Variants in F2 observed in about 807,000 individuals in gnomAD.
F2 encodes the protein coagulation factor II, thrombin.
F2 carries 34 observed loss-of-function variants against 81.9 expected under a neutral mutation model. The ratio of observed to expected loss-of-function variants is 0.42; its 90% CI spans 0.32 to 0.55. The LOEUF (loss-of-function observed/expected upper bound fraction) is 0.55, where lower values mean the gene tolerates loss of function less well. Ranked by LOEUF, F2 falls within the 20% of genes least tolerant of loss-of-function variation. F2 has a pLI of 0.18. For missense variants in F2, 630 were observed against 833.4 expected, an observed-to-expected ratio of 0.76 and a Z score of 3.00; for synonymous variants, 296 against 326.4, an observed-to-expected ratio of 0.91 and a Z score of 1.01.
intron 12 of F2, among the ~76,000 whole-genome samples, chr11:46,738,131 G>T (rs1208232773): frequency 1.3e-5 from 2 of 152,068 alleles, no homozygotes; most frequent in Non-Finnish European, 2.9e-5. Flanking sequence ...CTCCTGAGTA[G>T]CTGGGATTAT....
At chr11:46,735,548 A>G (rs2064938843) in intron 12 of F2, among the ~76,000 whole-genome samples, 1 of 152,034 alleles carries the variant, frequency 6.6e-6, no homozygotes, top group Admixed American at 6.6e-5. Flanking sequence ...GCTTGAGCCT[A>G]GGAGTTCAAT....
intron 9 of F2, among the ~76,000 whole-genome samples, chr11:46,727,365 C>T (rs965708554): frequency 2.6e-5 from 4 of 152,172 alleles, no homozygotes; most frequent in Non-Finnish European, 4.4e-5. Context: ...CTGAGACTGA[C>T]GGAGCTGGTG....
chr11:46,729,838 C>T (rs955083558), intron 12 of F2, among the ~76,000 whole-genome samples: 1 of 152,162 alleles, frequency 6.6e-6, no homozygotes, highest in African/African-American at 2.4e-5. Flanking sequence ...TTCATTCAGT[C>T]ACTCAGCAAA....
Position 46,720,558 on chromosome 11 carries a change from G to A in F2, c.265+11G>A. ...GGGCCAAGTACACAGGTGAGCACCG[G>A]GAAGGATTTGCCCCAGGAAGGGAGG... On this transcript the variant is annotated intron_variant, in intron 3 of 13. Coordinates refer to ENST00000311907, the MANE Select transcript of F2 (RefSeq NM_000506.5). 1 of 1,614,086 alleles carries A rather than the reference G, an allele frequency of 6.2e-7. No individual in the cohort carries two copies. The highest frequency in any genetic ancestry group is 8.5e-7 in the Non-Finnish European group (1 of 1,180,012).
intron 12 of F2, among the ~76,000 whole-genome samples, chr11:46,733,618 C>T (rs2064926689): frequency 6.6e-6 from 1 of 152,060 alleles, no homozygotes; most frequent in Non-Finnish European, 1.5e-5. Context: ...GCATTTCCAT[C>T]ACAGTGTATG....
Position 46,739,052 on chromosome 11 carries a change from C to T in F2, c.1659C>T (p.Tyr553=). 1.2e-6 allele frequency: 2 copies of T among 1,614,138 alleles called. No homozygotes were observed. The highest frequency in any genetic ancestry group is 1.7e-6 in the Non-Finnish European group (2 of 1,180,030). ...AGACGGCTGTTCTCTTTCAAGGTTA[C>T]AAGCCTGATGAAGGGAAACGAGGGG... is the stretch of plus-strand genomic sequence containing the variant. ...RITDNMFCAG[Y]KPDEGKRGDA... is the part of the protein sequence containing the mutation. Residue 553 remains tyrosine (Y), a synonymous_variant, in exon 13 of 14, where the codon TAC becomes TAT. Coordinates refer to ENST00000311907, the MANE Select transcript of F2 (RefSeq NM_000506.5).
chr11:46,721,394 C>CA (rs1394136639), intron 4 of F2, among the ~76,000 whole-genome samples: 1 of 152,168 alleles, frequency 6.6e-6, no homozygotes, highest in Non-Finnish European at 1.5e-5. Context: ...TCTCTGCCCC[C>CA]ACCTAGTCAG....
Position 46,726,569 on chromosome 11 carries a change from G to A in F2, c.946G>A (p.Ala316Thr), listed in dbSNP as rs778647431. The A allele has an allele frequency of 1.7e-5, 27 of 1,613,978 alleles. No individual in the cohort carries two copies. In the African/African-American group the frequency reaches 2.4e-4, roughly 14 times the overall value. The change falls in exon 8 of 14, where the codon GCC becomes ACC. Residue 316 changes from alanine to threonine, a missense_variant. Ala to Thr is a moderately conservative substitution (Grantham distance 58, BLOSUM62 0). Coordinates refer to ENST00000311907, the MANE Select transcript of F2 (RefSeq NM_000506.5). The surrounding 1 kb of genome is among the most constrained non-coding windows in gnomAD (Gnocchi z 5.9). Reference sequence around the variant, plus strand: ...AGACAGGGCCATCGAAGGGCGTACCGCCACCAGTGAGTACCAGACTTTCTT... The same window carrying A: ...AGACAGGGCCATCGAAGGGCGTACCACCACCAGTGAGTACCAGACTTTCTT... Reference protein sequence around the residue: ...DSDRAIEGRTATSEYQTFFNP... With the variant: ...DSDRAIEGRTTTSEYQTFFNP...
rs1285671622 is a variant in F2, at chr11:46,719,427, C to G, written c.79+113C>G. On this transcript the variant is annotated intron_variant, in intron 1 of 13. Transcript: ENST00000311907. This position sits in a 1 kb window ranked among gnomAD's most constrained non-coding sequence, Gnocchi z 4.7. The stretch of plus-strand genomic sequence containing the variant: ...GAGCTGGCCCCTAAGTAGGTCTCAG[C>G]CCCAGGCGGCCAGCTTAGGGAAGAA... The G allele has an allele frequency of 1.6e-6, 2 of 1,265,898 alleles. No homozygotes were observed. The highest frequency in any genetic ancestry group is 1.1e-6 in the Non-Finnish European group (1 of 893,058). The allele number at this position is 1,265,898 out of a possible 1,614,324, so 78.4% of individuals were successfully genotyped here. A position where few individuals can be genotyped will look rare whatever the true frequency, so the allele number is the denominator to read the frequency against.
intron 6 of F2, among the ~76,000 whole-genome samples, chr11:46,725,561 A>C (rs991211017): frequency 1.3e-5 from 2 of 152,168 alleles, no homozygotes; most frequent in African/African-American, 2.4e-5. Context: ...CTCCTCCAGC[A>C]GCTCCAGGCA....
At chr11:46,727,868 C>A in intron 9 of F2, 128 bp from the exon 10 acceptor site, 1 of 1,088,850 alleles carries the variant, frequency 9.2e-7, no homozygotes, top group Non-Finnish European at 1.3e-6. Context: ...CCAGCCCAAG[C>A]TTGGATCTGG....
Position 46,723,340 on chromosome 11 carries a change from C to A in F2, c.423-42C>A, listed in dbSNP as rs763595366. ...GGCTGAGAACAGGGAGCAAGCGTAC[C>A]TCAAGCCCAACAGCCTCCTGTTGGG... On this transcript the variant is annotated intron_variant, in intron 5 of 13. Coordinates refer to ENST00000311907, the MANE Select transcript of F2 (RefSeq NM_000506.5). This position sits in a 1 kb window ranked among gnomAD's most constrained non-coding sequence, Gnocchi z 5.6. The A allele has an allele frequency of 6.2e-7, 1 of 1,613,550 alleles. No homozygotes were observed. Among genetic ancestry groups the A allele is most frequent in the Admixed American group, 1.7e-5 (1 of 59,996 alleles).
rs2064854631 is a variant in F2, at chr11:46,723,769, A to AG, written c.559+251_559+252insG. Among the ~76,000 whole-genome samples the AG allele has an allele frequency of 1.3e-5, 2 of 152,142 alleles. No homozygotes were observed. The highest frequency in any genetic ancestry group is 1.3e-4 in the Admixed American group (2 of 15,264). ...GCCAGGCGTGGTGGTGGGCGCCTGT[A>AG]ATCCCAACTACTCTGGAGGCTGAGG... On this transcript the variant is annotated intron_variant, in intron 6 of 13. Transcript: ENST00000311907. The surrounding 1 kb of genome is among the most constrained non-coding windows in gnomAD (Gnocchi z 5.6).
At chr11:46,720,623 T>G (rs771082282) in intron 3 of F2, 76 bp downstream of exon 3, 27 of 1,581,426 alleles carry the variant, frequency 1.7e-5, no homozygotes, top group African/African-American at 2.7e-5. Context: ...CAGAGAATCT[T>G]CTGCTGCACC....
In F2 at chr11:46,728,953, G is replaced by A; in HGVS notation, c.1472+116G>A. 1 of 1,102,944 alleles carries A rather than the reference G, an allele frequency of 9.1e-7. No homozygotes were observed. The highest frequency in any genetic ancestry group is 1.3e-6 in the Non-Finnish European group (1 of 749,526). The allele number at this position is 1,102,944 out of a possible 1,614,324, so 68.3% of individuals were successfully genotyped here. On this transcript the variant is annotated intron_variant, in intron 11 of 13. Transcript: ENST00000311907. This position sits in a 1 kb window ranked among gnomAD's most constrained non-coding sequence, Gnocchi z 5.1. ...CTTTTCCAGGCCTCGGTTTCTTGGA[G>A]TGAACCCAAAAGTTCTTTTCAGTAC...
intron 4 of F2, among the ~76,000 whole-genome samples, chr11:46,721,149 A>G (rs1221790474): frequency 2.0e-5 from 3 of 152,088 alleles, no homozygotes; most frequent in African/African-American, 7.2e-5. Context: ...GGTTCAAGCA[A>G]TTCTCTGCCT....
At chr11:46,731,189 T>G (rs2064909581) in intron 12 of F2, among the ~76,000 whole-genome samples, 2 of 151,270 alleles carry the variant, frequency 1.3e-5, no homozygotes, top group South Asian at 4.2e-4. Flanking sequence ...AGTGCTGGGA[T>G]TACAGGCGTG....
At chr11:46,721,589 A>G (rs2064836671) in intron 4 of F2, among the ~76,000 whole-genome samples, 2 of 152,206 alleles carry the variant, frequency 1.3e-5, no homozygotes, top group South Asian at 2.1e-4. Context: ...ACACTTTCCT[A>G]TCCTTCAAGG....
intron 12 of F2, among the ~76,000 whole-genome samples, chr11:46,737,181 G>A (rs3136502): frequency 8.6e-5 from 13 of 151,336 alleles, no homozygotes; most frequent in Admixed American, 4.6e-4. Context: ...TCACTCTGTC[G>A]CCCAGGCTGG....
Sources: allele counts gnomAD v4.1 joint callset (sites outside exome capture counted in the v4.1 genomes callset), GRCh38; gene constraint gnomAD v4.1.1; non-coding constraint Gnocchi (gnomAD v3.1); transcripts MANE v1.5; gene names NCBI Gene and HGNC (gene_info 2026-07-23, HGNC 2026-07-21).